MSH3: variants seen among roughly 807,000 people sequenced by gnomAD.
The protein encoded by MSH3 is DNA mismatch repair protein Msh3.
In MSH3, 106 loss-of-function variants were observed where a neutral mutation model predicts 123.3. That is an observed-to-expected ratio of 0.86 (90% CI 0.73 to 1.01). The LOEUF (loss-of-function observed/expected upper bound fraction) is 1.01, where lower values mean the gene tolerates loss of function less well. MSH3 is among the 50% of genes least tolerant of loss of function. MSH3 has a pLI of 0.00. For synonymous variants in MSH3, 515 were observed against 481.4 expected (o/e 1.07, Z -0.91); for missense variants, 1,459 against 1,347.6 (o/e 1.08, Z -1.29).
At chr5:80,674,502 C>A (rs1019488604) in intron 6 of MSH3, among the ~76,000 whole-genome samples, 1 of 152,258 alleles carries the variant, frequency 6.6e-6, no homozygotes, top group South Asian at 2.1e-4. Context: ...CAAGTCTCAG[C>A]ATCATCCAAG....
intron 19 of MSH3, among the ~76,000 whole-genome samples, chr5:80,808,465 A>G (rs1744937092): frequency 6.6e-6 from 1 of 152,148 alleles, no homozygotes; most frequent in South Asian, 2.1e-4. Flanking sequence ...GACCTGGTTG[A>G]AGAAGTTGTC....
At chr5:80,726,223 G>T (rs576601635) in intron 9 of MSH3, among the ~76,000 whole-genome samples, 1 of 152,136 alleles carries the variant, frequency 6.6e-6, no homozygotes, top group Non-Finnish European at 1.5e-5. Flanking sequence ...TGGATGGTGA[G>T]GTGAATAGAC....
intron 8 of MSH3, among the ~76,000 whole-genome samples, chr5:80,687,962 A>G (rs770904290): frequency 2.2e-4 from 33 of 152,140 alleles, no homozygotes; most frequent in Non-Finnish European, 4.1e-4. Context: ...GAAGGGGAGG[A>G]ATTAAAGAGC....
At chr5:80,766,339 C>CTTTTTTTTTTTTTTTTTTTTT (rs1166492002) in intron 13 of MSH3, among the ~76,000 whole-genome samples, 3 of 78,220 alleles carry the variant, frequency 3.8e-5, no homozygotes, top group African/African-American at 1.1e-4. Flanking sequence ...TGTTTTTTTC[C>CTTTTTTTTTTTTTTTTTTTTT]TTTTTTTTTT....
chr5:80,682,014 T>G (rs887832900), intron 8 of MSH3, among the ~76,000 whole-genome samples: 2 of 152,250 alleles, frequency 1.3e-5, no homozygotes, highest in African/African-American at 4.8e-5. Context: ...TGACCGTGTG[T>G]AATTTTTCAA....
At chr5:80,754,181 C>CA (rs1312816455) in intron 12 of MSH3, among the ~76,000 whole-genome samples, 1 of 152,078 alleles carries the variant, frequency 6.6e-6, no homozygotes, top group Non-Finnish European at 1.5e-5. Flanking sequence ...GTTTGCTTAT[C>CA]ATTCCTGCCC....
chr5:80,778,859 T>C (rs1317402317), intron 17 of MSH3, 23 bp downstream of exon 17: 2 of 1,309,634 alleles, frequency 1.5e-6, no homozygotes, highest in East Asian at 2.3e-5. Flanking sequence ...TGAAAAAATA[T>C]AATCTGACTT....
chr5:80,741,650 CTTTAGCTGACTGCAGTA>C, intron 11 of MSH3, 102 bp downstream of exon 11: 1 of 793,540 alleles, frequency 1.3e-6, no homozygotes, highest in Non-Finnish European at 2.3e-6. Context: ...AATATAGTGT[CTTTAGCTGACTGCAGTA>C]TTAATTGATA....
At chr5:80,799,414 A>C (rs1029464374) in intron 19 of MSH3, among the ~76,000 whole-genome samples, 1 of 150,002 alleles carries the variant, frequency 6.7e-6, no homozygotes, top group Non-Finnish European at 1.5e-5. Context: ...CTTTTTCAGC[A>C]GTCTGCAGCT....
intron 19 of MSH3, among the ~76,000 whole-genome samples, chr5:80,806,760 A>G (rs973949909): frequency 1.3e-5 from 2 of 152,136 alleles, no homozygotes; most frequent in African/African-American, 4.8e-5. Context: ...GGGGAAAAAA[A>G]TTGAGATTTG....
intron 20 of MSH3, among the ~76,000 whole-genome samples, chr5:80,847,858 ATTTG>A (rs1561497844): frequency 6.6e-6 from 1 of 152,148 alleles, no homozygotes; most frequent in Non-Finnish European, 1.5e-5. Flanking sequence ...TTTTAAATCT[ATTTG>A]TTTGTACTTT....
intron 20 of MSH3, among the ~76,000 whole-genome samples, chr5:80,816,746 C>T (rs904952743): frequency 1.3e-5 from 2 of 152,172 alleles, no homozygotes; most frequent in South Asian, 4.2e-4. Context: ...GGAAATAAAT[C>T]ACCAGGACTT....
intron 10 of MSH3, among the ~76,000 whole-genome samples, chr5:80,739,119 G>A (rs1023608222): frequency 1.2e-4 from 18 of 152,190 alleles, no homozygotes; most frequent in Non-Finnish European, 1.6e-4. Flanking sequence ...TTCTAGAGTC[G>A]ACGTCTGATT....
chr5:80,709,275 T>C (rs1481573115), intron 8 of MSH3, among the ~76,000 whole-genome samples: 1 of 151,410 alleles, frequency 6.6e-6, no homozygotes, highest in Admixed American at 6.6e-5. Context: ...GTGGAACATT[T>C]GGTAAAGCTC....
rs6151734 is a variant in MSH3, at chr5:80,728,800, T to G, written c.1454-51T>G. On this transcript the variant is annotated intron_variant, in intron 9 of 23. Transcript: ENST00000265081. ...GTTCTGTTTATTACATTTTTTAATT[T>G]GATTAATTTAAAAGAATTTTTATAA... 1,504 of 979,314 alleles carry G rather than the reference T, an allele frequency of 1.5e-3. 22 individuals are homozygous for G. The Admixed American group carries it at 0.023, about 15-fold the overall frequency. 60.7% of individuals were successfully genotyped at this position (979,314 alleles called of 1,614,324 possible).
chr5:80,813,292 G>A (rs1012080773), intron 19 of MSH3, among the ~76,000 whole-genome samples: 2 of 152,168 alleles, frequency 1.3e-5, no homozygotes, highest in African/African-American at 4.8e-5. Context: ...AAGCAATAGG[G>A]AGAATATGCA....
rs1580053717 is a variant in MSH3, at chr5:80,792,781, C to T, written c.2592C>T (p.His864=). ...ERKIVIKNGR[H]PVIDVLLGEQ... ...AAATTGTAATAAAAAATGGAAGGCA[C>T]CCTGTGATTGATGTGTTGCTGGGAG... Residue 864 remains histidine, a synonymous_variant, in exon 19 of 24, where the codon CAC becomes CAT. Transcript: ENST00000265081. 1.2e-6 allele frequency: 2 copies of T among 1,613,152 alleles called. No homozygotes were observed. The highest frequency in any genetic ancestry group is 2.7e-5 in the African/African-American group (2 of 74,816).
chr5:80,825,802 T>A (rs1320299857), intron 20 of MSH3, among the ~76,000 whole-genome samples: 1 of 152,270 alleles, frequency 6.6e-6, no homozygotes, highest in East Asian at 1.9e-4. Flanking sequence ...TATTACTTAA[T>A]GTCCTTCACA....
At chr5:80,765,875 C>T (rs1427454326) in intron 13 of MSH3, among the ~76,000 whole-genome samples, 1 of 152,128 alleles carries the variant, frequency 6.6e-6, no homozygotes, top group Non-Finnish European at 1.5e-5. Context: ...ACATTCATGT[C>T]TGAAAGTGGT....
Sources: allele counts gnomAD v4.1 joint callset (sites outside exome capture counted in the v4.1 genomes callset), GRCh38; gene constraint gnomAD v4.1.1; transcripts MANE v1.5; gene names NCBI Gene and HGNC (gene_info 2026-07-23, HGNC 2026-07-21).